The following NCOA3 variants were observed in gnomAD, a reference collection of about 807,000 sequenced individuals.
The protein encoded by NCOA3 is nuclear receptor coactivator 3, also known as CBP-interacting protein.
A neutral mutation model predicts 158.8 loss-of-function variants in NCOA3; 51 were observed. The ratio of observed to expected loss-of-function variants is 0.32; its 90% CI spans 0.26 to 0.41. The LOEUF (loss-of-function observed/expected upper bound fraction) is 0.41, where lower values mean the gene tolerates loss of function less well. NCOA3 is among the 10% of genes least tolerant of loss of function. The pLI is 1.00. For synonymous variants in NCOA3, 537 were observed against 592.4 expected (o/e 0.91, Z 1.36); for missense variants, 1,510 against 1,746.6 (o/e 0.86, Z 2.41).
At chr20:47,605,604 G>A (rs993947369) in intron 2 of NCOA3, among the ~76,000 whole-genome samples, 1 of 151,820 alleles carries the variant, frequency 6.6e-6, no homozygotes, top group African/African-American at 2.4e-5. Context: ...TTACCTGTGA[G>A]CCTTGCTTTT....
chr20:47,612,276 G>C (rs954148713), intron 2 of NCOA3, among the ~76,000 whole-genome samples: 6 of 150,156 alleles, frequency 4.0e-5, no homozygotes, highest in Non-Finnish European at 7.5e-5. Context: ...AAAAAAATTT[G>C]TAAAAAATAG....
At chr20:47,522,519 CAA>C (rs940520398) in intron 1 of NCOA3, among the ~76,000 whole-genome samples, 71 of 151,262 alleles carry the variant, frequency 4.7e-4, no homozygotes, top group African/African-American at 1.7e-3. Flanking sequence ...GCTCCAAAAC[CAA>C]AAGAGGAAGT....
intron 2 of NCOA3, among the ~76,000 whole-genome samples, chr20:47,609,220 C>G (rs2086004923): frequency 6.6e-6 from 1 of 152,128 alleles, no homozygotes; most frequent in Non-Finnish European, 1.5e-5. Flanking sequence ...CTGTTTTGAT[C>G]AACAATTCAT....
chr20:47,518,033 C>T (rs1375845254), intron 1 of NCOA3, among the ~76,000 whole-genome samples: 3 of 152,002 alleles, frequency 2.0e-5, no homozygotes, highest in Non-Finnish European at 4.4e-5. Context: ...AAAACTGACT[C>T]GAGGGTTGAA....
chr20:47,553,970 CCA>C (rs1422368946), intron 1 of NCOA3, among the ~76,000 whole-genome samples: 1 of 152,154 alleles, frequency 6.6e-6, no homozygotes, highest in Non-Finnish European at 1.5e-5. Context: ...TGAGGAATCG[CCA>C]CACCGACTTC....
chr20:47,560,968 CTTTT>C (rs11481985), intron 1 of NCOA3, among the ~76,000 whole-genome samples: 2 of 101,188 alleles, frequency 2.0e-5, no homozygotes, highest in Admixed American at 1.2e-4. Flanking sequence ...ATCCCTCATT[CTTTT>C]TTTTTTTTTT....
intron 2 of NCOA3, among the ~76,000 whole-genome samples, chr20:47,584,288 TTG>T (rs1308326557): frequency 1.3e-5 from 2 of 152,032 alleles, no homozygotes; most frequent in Admixed American, 1.3e-4. Flanking sequence ...GTATGAAACC[TTG>T]TCTCTAGAAA....
At chr20:47,519,791 C>G (rs964744017) in intron 1 of NCOA3, among the ~76,000 whole-genome samples, 3 of 151,826 alleles carry the variant, frequency 2.0e-5, no homozygotes, top group African/African-American at 7.3e-5. Context: ...TTGAGAGAGT[C>G]TCGCTGTGTT....
intron 1 of NCOA3, among the ~76,000 whole-genome samples, chr20:47,564,266 C>T (rs1008034852): frequency 5.3e-5 from 8 of 151,738 alleles, no homozygotes; most frequent in African/African-American, 1.9e-4. Flanking sequence ...ATTTTGCTTG[C>T]ATTTTTTTTT....
At chr20:47,585,174 C>G (rs1233444207) in intron 2 of NCOA3, among the ~76,000 whole-genome samples, 1 of 151,270 alleles carries the variant, frequency 6.6e-6, no homozygotes, top group African/African-American at 2.4e-5. Context: ...GCCTCAGCCT[C>G]CCAAGTAGCT....
intron 3 of NCOA3, 28 bp from the exon 4 acceptor site, chr20:47,623,883 T>C (rs1361000253): frequency 2.1e-5 from 33 of 1,594,612 alleles, no homozygotes; most frequent in Non-Finnish European, 2.6e-5. Flanking sequence ...ATGTCTCCTT[T>C]CCCCCCTTTC....
At position 47,635,905 on chromosome 20, in the gene NCOA3, A is replaced by G. The variant is rs772120127; in HGVS notation, c.1519A>G (p.Met507Val). 7.4e-6 allele frequency: 12 copies of G among 1,613,022 alleles called. No homozygotes were observed. The highest frequency in any genetic ancestry group is 4.5e-5 in the East Asian group (2 of 44,888). The change falls in exon 12 of 23, where the codon ATG becomes GTG. Residue 507 changes from methionine (M) to valine (V), a missense_variant. Physicochemically the swap from Met to Val is conservative, Grantham distance 21. This residue lies in a region of NCOA3 where 1,017 missense variants were observed against 1,098.3 expected (regional missense o/e 0.93). Coordinates refer to ENST00000371998, the MANE Select transcript of NCOA3 (RefSeq NM_181659.3). ...TTCAAATTCAGGTGTGCACTCTCCC[A>G]TGGCATCTTCTGGCAATACTGGGAA... Reference protein sequence around the residue: ...FSPVAGVHSPMASSGNTGNHS... With the variant: ...FSPVAGVHSPVASSGNTGNHS...
chr20:47,514,232 A>G lies in NCOA3; in HGVS notation c.-99+12213A>G, dbSNP rs574182442. 6.0e-5 allele frequency among the ~76,000 whole-genome samples: 9 copies of G among 148,864 alleles called. No homozygotes were observed. The East Asian group carries it at 1.4e-3, about 23-fold the overall frequency. On this transcript the variant is annotated intron_variant, in intron 1 of 22. Transcript: ENST00000371998. ...TGAATTTTTTTTTTAATTTATCAAC[A>G]TTTTCTTAATATAGAAATAAAGTAG... is the stretch of plus-strand genomic sequence containing the variant.
At chr20:47,631,102 G>A (rs1198537745) in intron 8 of NCOA3, 3 of 152,154 alleles carry the variant, frequency 2.0e-5, no homozygotes, top group Admixed American at 6.5e-5. Flanking sequence ...GGATCATTCT[G>A]TCTGCATTCA....
At chr20:47,508,963 A>G (rs2084071272) in intron 1 of NCOA3, among the ~76,000 whole-genome samples, 1 of 152,236 alleles carries the variant, frequency 6.6e-6, no homozygotes, top group Non-Finnish European at 1.5e-5. Flanking sequence ...TCCTTATTTT[A>G]TACAATTCTA....
intron 1 of NCOA3, among the ~76,000 whole-genome samples, chr20:47,555,342 G>A (rs1390726961): frequency 6.6e-6 from 1 of 152,166 alleles, no homozygotes; most frequent in Non-Finnish European, 1.5e-5. Flanking sequence ...AAAGAATATT[G>A]GAGTGGGAGG....
intron 1 of NCOA3, among the ~76,000 whole-genome samples, chr20:47,556,549 G>A (rs1427668944): frequency 1.3e-5 from 2 of 152,230 alleles, no homozygotes; most frequent in Admixed American, 1.3e-4. Flanking sequence ...TTGAGATGGG[G>A]TCTCACTCTG....
At chr20:47,604,340 C>G (rs2085910242) in intron 2 of NCOA3, among the ~76,000 whole-genome samples, 1 of 152,160 alleles carries the variant, frequency 6.6e-6, no homozygotes, top group African/African-American at 2.4e-5. Flanking sequence ...AGTCTGTGTT[C>G]TTTTCCCCTC....
At chr20:47,505,002 G>GTTTTTTTTTTT (rs2084003938) in intron 1 of NCOA3, among the ~76,000 whole-genome samples, 1 of 8,556 alleles carries the variant, frequency 1.2e-4, no homozygotes, top group Non-Finnish European at 2.4e-4. Flanking sequence ...TTGGGTTTTT[G>GTTTTTTTTTTT]GTTTTTTTTT....
Sources: gnomAD v4.1 joint callset for allele counts (sites outside exome capture counted in the v4.1 genomes callset) on GRCh38, gnomAD v4.1.1 for gene constraint, gnomAD v4.1.1 regional missense constraint, MANE v1.5 for transcripts, NCBI Gene and HGNC (gene_info 2026-07-23, HGNC 2026-07-21) for gene names.